Variants in ASPH observed in about 807,000 individuals in gnomAD.
ASPH encodes aspartyl/asparaginyl beta-hydroxylase.
ASPH carries 100 observed loss-of-function variants against 118.4 expected under a neutral mutation model. That is an observed-to-expected ratio of 0.84 (90% CI 0.72 to 1.00). ASPH has a LOEUF of 1.00. Among genes scored for constraint, ASPH ranks in the 50% least tolerant of loss-of-function variants. ASPH has a pLI of 0.00. For missense variants in ASPH, 920 were observed against 919.5 expected (o/e 1.00, Z -0.01); for synonymous variants, 315 against 325.6 (o/e 0.97, Z 0.35).
chr8:61,555,879 G>T, intron 19 of ASPH, 45 bp downstream of exon 19: 2 of 1,542,780 alleles, frequency 1.3e-6, no homozygotes, highest in South Asian at 1.1e-5. Context: ...CCAATAACTC[G>T]AAGGACTTGA....
At chr8:61,533,931 G>T (rs1818507407) in intron 21 of ASPH, among the ~76,000 whole-genome samples, 1 of 152,154 alleles carries the variant, frequency 6.6e-6, no homozygotes, top group Non-Finnish European at 1.5e-5. Flanking sequence ...CATGTGCTCA[G>T]TTTGTTTAAT....
intron 24 of ASPH, among the ~76,000 whole-genome samples, chr8:61,509,628 A>C (rs1024766535): frequency 6.6e-6 from 1 of 152,120 alleles, no homozygotes; most frequent in Non-Finnish European, 1.5e-5. Flanking sequence ...ACCATCTGGG[A>C]ATGCAGCCCA....
At chr8:61,529,593 G>A (rs542565671) in intron 21 of ASPH, among the ~76,000 whole-genome samples, 22 of 152,286 alleles carry the variant, frequency 1.4e-4, no homozygotes, top group African/African-American at 4.3e-4. Context: ...AAGGAATCAC[G>A]TAATATAATA....
chr8:61,644,659 T>A, intron 6 of ASPH, 27 bp from the exon 7 acceptor site: 1 of 1,555,152 alleles, frequency 6.4e-7, no homozygotes, highest in Non-Finnish European at 8.8e-7. Context: ...TAGATTGATA[T>A]TTACTGCTTT....
chr8:61,652,137 T>C (rs966124707), intron 4 of ASPH, among the ~76,000 whole-genome samples: 6 of 152,246 alleles, frequency 3.9e-5, no homozygotes, highest in African/African-American at 1.4e-4. Context: ...GCCATTTATA[T>C]ATGTAGTCTT....
In ASPH at chr8:61,548,240, G is replaced by C. The variant is rs570073995; in HGVS notation, c.1627-32C>G. On this transcript the variant is annotated intron_variant, in intron 20 of 24. Transcript: ENST00000379454. ...GAACAGAAAGAATGTGCTCCAAACT[G>C]TTCCTTCAACAGAGCATTTTTATTA... The C allele has an allele frequency of 5.7e-6, 9 of 1,588,560 alleles. No homozygotes were observed. In the South Asian group the frequency reaches 9.2e-5, roughly 16 times the overall value.
intron 18 of ASPH, among the ~76,000 whole-genome samples, chr8:61,557,227 C>G (rs1442383521): frequency 6.6e-6 from 1 of 152,134 alleles, no homozygotes; most frequent in Non-Finnish European, 1.5e-5. Context: ...CAACCCTCCT[C>G]TGCTGCATTG....
intron 14 of ASPH, among the ~76,000 whole-genome samples, chr8:61,585,835 T>C: frequency 6.6e-6 from 1 of 152,182 alleles, no homozygotes; most frequent in East Asian, 1.9e-4. Context: ...CTCTGTCACC[T>C]CCAAGCTCTG....
chr8:61,619,983 A>T (rs189305091), intron 13 of ASPH, among the ~76,000 whole-genome samples: 1 of 152,320 alleles, frequency 6.6e-6, no homozygotes, highest in South Asian at 2.1e-4. Flanking sequence ...GATGCGGTCA[A>T]GTGAACATTG....
At chr8:61,538,543 T>C (rs1028200216) in intron 21 of ASPH, among the ~76,000 whole-genome samples, 9 of 152,218 alleles carry the variant, frequency 5.9e-5, no homozygotes, top group Non-Finnish European at 1.3e-4. Context: ...AGTGAAAACA[T>C]TCAAGTATTT....
rs568549313 is a variant in ASPH at position 61,598,559 on chromosome 8, C to A, written c.977-14530G>T. 3.2e-4 allele frequency among the ~76,000 whole-genome samples: 49 copies of A among 152,300 alleles called. No homozygotes were observed. The South Asian group carries it at 0.01, about 32-fold the overall frequency. On this transcript the variant is annotated intron_variant, in intron 14 of 24. Coordinates refer to ENST00000379454, the MANE Select transcript of ASPH (RefSeq NM_004318.4). ...ATAATAGTTGGCAAGTTCAACACCC[C>A]ACTCTGAGTATTGGACAGATCAGCT...
At position 61,578,595 on chromosome 8, in the gene ASPH, C is replaced by T. The variant is rs557013858; in HGVS notation, c.1063-1737G>A. Reference sequence around the variant, plus strand: ...GATGCTGGAGACCAAGTGGAGCCTCCTGCAGCAGCAGAAGATGGCTCGGAG... The same window carrying T: ...GATGCTGGAGACCAAGTGGAGCCTCTTGCAGCAGCAGAAGATGGCTCGGAG... On this transcript the variant is annotated intron_variant, in intron 15 of 24. Transcript: ENST00000379454. 14 of 1,525,936 alleles carry T rather than the reference C, an allele frequency of 9.2e-6. No individual in the cohort carries two copies. The Admixed American group carries it at 2.3e-4, about 25-fold the overall frequency. The allele number at this position is 1,525,936 out of a possible 1,614,324, so 94.5% of individuals were successfully genotyped here.
chr8:61,548,294 G>T, intron 20 of ASPH, 86 bp from the exon 21 acceptor site: 2 of 1,400,550 alleles, frequency 1.4e-6, no homozygotes, highest in Non-Finnish European at 1.9e-6. Flanking sequence ...TTAAAAATAA[G>T]GTATTACTTT....
intron 12 of ASPH, among the ~76,000 whole-genome samples, chr8:61,635,463 C>T (rs1055449624): frequency 6.6e-6 from 1 of 152,062 alleles, no homozygotes; most frequent in African/African-American, 2.4e-5. Context: ...TATTCAACCC[C>T]CCACTTGATA....
At chr8:61,599,793 C>T (rs1047902082) in intron 14 of ASPH, among the ~76,000 whole-genome samples, 14 of 151,936 alleles carry the variant, frequency 9.2e-5, no homozygotes, top group African/African-American at 3.4e-4. Context: ...CAAAGAAAAG[C>T]CTAGGACCAC....
At chr8:61,704,181 C>G (rs866879362) in intron 1 of ASPH, among the ~76,000 whole-genome samples, 5 of 102,366 alleles carry the variant, frequency 4.9e-5, no homozygotes, top group Non-Finnish European at 6.9e-5. Flanking sequence ...GGCGACAGAG[C>G]GAGACTCCGT....
intron 18 of ASPH, among the ~76,000 whole-genome samples, chr8:61,562,232 A>G (rs1830182154): frequency 6.6e-6 from 1 of 152,184 alleles, no homozygotes; most frequent in Admixed American, 6.5e-5. Flanking sequence ...GTTATAAAGT[A>G]GAAATCCTTT....
intron 1 of ASPH, among the ~76,000 whole-genome samples, chr8:61,695,176 A>C (rs1833635176): frequency 6.6e-6 from 1 of 152,254 alleles, no homozygotes; most frequent in South Asian, 2.1e-4. Context: ...TCAAAATCCA[A>C]GTTATCATCA....
intron 3 of ASPH, 103 bp downstream of exon 3, chr8:61,680,865 T>A (rs914201324): frequency 7.7e-6 from 7 of 903,684 alleles, no homozygotes; most frequent in Non-Finnish European, 3.2e-6. Context: ...GGGAGAAAAG[T>A]CTCCTGTAAG....
Sources: gnomAD v4.1 joint callset for allele counts (sites outside exome capture counted in the v4.1 genomes callset) on GRCh38, gnomAD v4.1.1 for gene constraint, MANE v1.5 for transcripts, NCBI Gene and HGNC (gene_info 2026-07-23, HGNC 2026-07-21) for gene names.